PSMB2: variants seen among roughly 807,000 people sequenced by gnomAD.
The protein encoded by PSMB2 is proteasome subunit beta type-2.
Under a neutral mutation model 25.7 loss-of-function variants are expected in PSMB2, and 13 were observed. That is an observed-to-expected ratio of 0.51 (90% confidence interval 0.33 to 0.80). The LOEUF is 0.80. Ranked by LOEUF, PSMB2 falls within the 30% of genes least tolerant of loss-of-function variation. The pLI is 0.02. For missense variants in PSMB2, 202 were observed against 259.0 expected (o/e 0.78, Z 1.51); for synonymous variants, 87 against 96.2 (o/e 0.90, Z 0.56).
intron 4 of PSMB2, 27 bp downstream of exon 4, chr1:35,609,219 C>T (rs770277145): frequency 2.0e-6 from 3 of 1,518,312 alleles, no homozygotes; most frequent in Middle Eastern, 3.9e-4. Context: ...TCTGCCACTG[C>T]TCCCTCCCTA....
At chr1:35,612,889 T>C (rs72659630) in intron 3 of PSMB2, among the ~76,000 whole-genome samples, 160 of 152,352 alleles carry the variant, frequency 1.1e-3, no homozygotes, top group Admixed American at 2.4e-3. Context: ...TACTATGAGA[T>C]TAAATTGTTT....
At chr1:35,624,443 T>C (rs1189232646) in intron 3 of PSMB2, among the ~76,000 whole-genome samples, 1 of 152,118 alleles carries the variant, frequency 6.6e-6, no homozygotes, top group Non-Finnish European at 1.5e-5. Flanking sequence ...TTGAGCTATA[T>C]GAAGCAGAGC....
chr1:35,636,216 T>C, intron 2 of PSMB2, 94 bp downstream of exon 2: 1 of 1,457,874 alleles, frequency 6.9e-7, no homozygotes, highest in Non-Finnish European at 9.4e-7. Flanking sequence ...TGTGAGAAAA[T>C]ACATTTCTGT....
chr1:35,601,474 T>C lies in PSMB2; in HGVS notation c.*1793A>G. ...GTGGTGTTGGAGGTTGAATCAACTG[T>C]AGTGACGTGAATCATCTCTTTTCTC... On this transcript the variant is annotated 3_prime_UTR_variant, in exon 6 of 6. Coordinates refer to ENST00000373237, the MANE Select transcript of PSMB2 (RefSeq NM_002794.5). The C allele has an allele frequency of 5.1e-6, 5 of 985,420 alleles. No individual in the cohort carries two copies. The highest frequency in any genetic ancestry group is 6.0e-6 in the Non-Finnish European group (5 of 829,910). The allele number at this position is 985,420 out of a possible 1,614,324, so 61.0% of individuals were successfully genotyped here.
chr1:35,625,739 G>A (rs1650839667), intron 3 of PSMB2, among the ~76,000 whole-genome samples: 1 of 151,200 alleles, frequency 6.6e-6, no homozygotes, highest in Non-Finnish European at 1.5e-5. Context: ...TCCAGCCTGG[G>A]TGACACAGTG....
At chr1:35,606,212 G>A (rs938843501) in intron 4 of PSMB2, among the ~76,000 whole-genome samples, 1 of 152,116 alleles carries the variant, frequency 6.6e-6, no homozygotes, top group Non-Finnish European at 1.5e-5. Context: ...AGAGCACTTA[G>A]GCAAGGGGAG....
At chr1:35,634,775 T>C (rs1571142508) in intron 2 of PSMB2, among the ~76,000 whole-genome samples, 3 of 131,290 alleles carry the variant, frequency 2.3e-5, no homozygotes, top group Admixed American at 2.2e-4. Flanking sequence ...TGGTGTTGGG[T>C]TTTTTTTTTT....
intron 3 of PSMB2, among the ~76,000 whole-genome samples, chr1:35,611,719 G>A (rs1038881488): frequency 1.3e-5 from 2 of 152,134 alleles, no homozygotes; most frequent in African/African-American, 4.8e-5. Flanking sequence ...AGCTACTTGG[G>A]AGGCTGAGGC....
Position 35,600,018 on chromosome 1 carries a change from C to A in PSMB2, c.*3249G>T. ...GGGTGCAGTGGTGCACCCCTCTAGT[C>A]CCAGCTAGTTGGGAGGCTGGGGTAA... On this transcript the variant is annotated 3_prime_UTR_variant, in exon 6 of 6. Transcript: ENST00000373237. 1 of 587,570 alleles carries A rather than the reference C, an allele frequency of 1.7e-6. No individual in the cohort carries two copies. The highest frequency in any genetic ancestry group is 2.1e-6 in the Non-Finnish European group (1 of 466,758). 36.4% of individuals were successfully genotyped at this position (587,570 alleles called of 1,614,324 possible). A position where few individuals can be genotyped will look rare whatever the true frequency, so the allele number is the denominator to read the frequency against.
At chr1:35,639,648 C>A (rs1391052347) in intron 1 of PSMB2, among the ~76,000 whole-genome samples, 7 of 152,190 alleles carry the variant, frequency 4.6e-5, no homozygotes, top group African/African-American at 1.7e-4. Flanking sequence ...AAAGCACATT[C>A]TACTTTTCAA....
chr1:35,607,238 GA>G (rs1035400724), intron 4 of PSMB2, among the ~76,000 whole-genome samples: 2 of 152,176 alleles, frequency 1.3e-5, no homozygotes, highest in African/African-American at 4.8e-5. Context: ...AAACAAGAGT[GA>G]AAAGGCAACC....
intron 5 of PSMB2, 21 bp from the exon 6 acceptor site, chr1:35,603,395 A>T (rs1466438330): frequency 6.2e-7 from 1 of 1,613,312 alleles, no homozygotes; most frequent in East Asian, 2.2e-5. Context: ...ACATGGAGGA[A>T]ATCAGTCAAC....
intron 3 of PSMB2, among the ~76,000 whole-genome samples, chr1:35,626,244 T>G (rs1650857400): frequency 1.3e-5 from 2 of 152,216 alleles, no homozygotes; most frequent in African/African-American, 4.8e-5. Context: ...AATAAACAAC[T>G]AAACTGAAGG....
intron 2 of PSMB2, among the ~76,000 whole-genome samples, chr1:35,631,692 T>C (rs909996596): frequency 1.1e-4 from 16 of 151,906 alleles, no homozygotes; most frequent in African/African-American, 3.6e-4. Context: ...AAGAAAGGCG[T>C]CTTAGATGCC....
chr1:35,637,538 C>T (rs1446071270), intron 1 of PSMB2, among the ~76,000 whole-genome samples: 1 of 152,196 alleles, frequency 6.6e-6, no homozygotes, highest in South Asian at 2.1e-4. Flanking sequence ...CTCACTTTCA[C>T]TTTCACTTTT....
chr1:35,614,509 C>A (rs1650438677), intron 3 of PSMB2, among the ~76,000 whole-genome samples: 1 of 152,202 alleles, frequency 6.6e-6, no homozygotes, highest in African/African-American at 2.4e-5. Flanking sequence ...GATAGTAAGT[C>A]TAAGTAGTAA....
Position 35,600,905 on chromosome 1 carries a change from G to T in PSMB2, c.*2362C>A, listed in dbSNP as rs563683013. ...CCACATGCCAAGCCCTGAACTAAAT[G>T]TTTACCTATATTACTTCATGGAATT... On this transcript the variant is annotated 3_prime_UTR_variant, in exon 6 of 6. Coordinates refer to ENST00000373237, the MANE Select transcript of PSMB2 (RefSeq NM_002794.5). 93 of 984,186 alleles carry T rather than the reference G, an allele frequency of 9.4e-5. No homozygotes were observed. Among genetic ancestry groups the T allele is most frequent in the Admixed American group, 5.5e-4 (9 of 16,256 alleles). 61.0% of individuals were successfully genotyped at this position (984,186 alleles called of 1,614,324 possible).
At chr1:35,611,096 T>C (rs1330026130) in intron 3 of PSMB2, among the ~76,000 whole-genome samples, 1 of 152,214 alleles carries the variant, frequency 6.6e-6, no homozygotes, top group African/African-American at 2.4e-5. Flanking sequence ...TCTTTTTCTC[T>C]GCAGGATGTG....
At position 35,628,303 on chromosome 1, in the gene PSMB2, G is replaced by A. The variant is rs72901220; in HGVS notation, c.285+2971C>T. On this transcript the variant is annotated intron_variant, in intron 3 of 5. Transcript: ENST00000373237. ...AGATTAAACCAGATTCACTGCATTT[G>A]CATGAAGCACACTGCCATTCTTATC... Among the ~76,000 whole-genome samples, 250 of 151,974 alleles carry A rather than the reference G, an allele frequency of 1.6e-3. 2 individuals carry two copies. The highest frequency in any genetic ancestry group is 5.8e-3 in the African/African-American group (239 of 41,468).
Sources: allele counts gnomAD v4.1 joint callset (sites outside exome capture counted in the v4.1 genomes callset), GRCh38; gene constraint gnomAD v4.1.1; transcripts MANE v1.5; gene names NCBI Gene and HGNC (gene_info 2026-07-23, HGNC 2026-07-21).